Variants in RXYLT1 observed in about 807,000 individuals in gnomAD.
RXYLT1 encodes the protein ribitol-5-phosphate xylosyltransferase 1.
Under a neutral mutation model 43.5 loss-of-function variants are expected in RXYLT1, and 41 were observed. The observed-to-expected ratio is 0.94, with a 90% CI of 0.73 to 1.22. The LOEUF (loss-of-function observed/expected upper bound fraction) is 1.22. Among genes scored for constraint, RXYLT1 ranks in the 50% most tolerant of loss-of-function variants. The pLI, the probability that RXYLT1 is intolerant of heterozygous loss-of-function variation, is 0.00. For missense variants in RXYLT1, 514 were observed against 532.0 expected (o/e 0.97, Z 0.33); for synonymous variants, 166 against 194.4 (o/e 0.85, Z 1.21).
At chr12:63,806,154 A>G (rs1363826220) in intron 5 of RXYLT1, 1 of 152,216 alleles carries the variant, frequency 6.6e-6, no homozygotes, top group African/African-American at 2.4e-5. Context: ...TAATGTAACC[A>G]TATCATATTC....
At chr12:63,786,666 G>A (rs1254752166) in intron 3 of RXYLT1, among the ~76,000 whole-genome samples, 1 of 152,194 alleles carries the variant, frequency 6.6e-6, no homozygotes, top group Non-Finnish European at 1.5e-5. Context: ...TCAGGGTGGT[G>A]GTTGCTGAAG....
chr12:63,786,564 C>A (rs1379332538), intron 3 of RXYLT1, among the ~76,000 whole-genome samples: 1 of 151,422 alleles, frequency 6.6e-6, no homozygotes, highest in Non-Finnish European at 1.5e-5. Flanking sequence ...CTAAAAAATG[C>A]TAACAGTTAT....
intron 3 of RXYLT1, among the ~76,000 whole-genome samples, chr12:63,786,768 C>T (rs899450548): frequency 2.6e-5 from 4 of 152,174 alleles, no homozygotes; most frequent in Non-Finnish European, 5.9e-5. Flanking sequence ...TTCTCTGTAG[C>T]ACATGATGCT....
Position 63,799,915 on chromosome 12 carries a change from C to T in RXYLT1, c.429-2176C>T, listed in dbSNP as rs193172540. Among the ~76,000 whole-genome samples, 50 of 152,254 alleles carry T rather than the reference C, an allele frequency of 3.3e-4. 1 individual carries two copies. The East Asian group carries it at 7.7e-3, about 24-fold the overall frequency. On this transcript the variant is annotated intron_variant, in intron 3 of 5. Coordinates refer to ENST00000261234, the MANE Select transcript of RXYLT1 (RefSeq NM_014254.3). Reference sequence around the variant, plus strand: ...ATCATTGCTAGTTTTTCTAGCCCCTCAGATTCTGCATATTGTCTTAAATTA... The same window carrying T: ...ATCATTGCTAGTTTTTCTAGCCCCTTAGATTCTGCATATTGTCTTAAATTA...
chr12:63,783,607 G>A (rs1213947344), intron 2 of RXYLT1, among the ~76,000 whole-genome samples: 1 of 152,102 alleles, frequency 6.6e-6, no homozygotes, highest in Non-Finnish European at 1.5e-5. Context: ...TCTATCTGCA[G>A]GTTATTCAAG....
intron 3 of RXYLT1, among the ~76,000 whole-genome samples, chr12:63,796,395 T>C (rs77861469): frequency 0.013 from 1,941 of 152,346 alleles, 43 homozygotes; most frequent in African/African-American, 0.044. Context: ...TACTGTTTTT[T>C]TCCATTGTGA....
rs77133615 is a variant in RXYLT1 at position 63,809,194 on chromosome 12, C to A, written c.*102C>A. The A allele has an allele frequency of 5.0e-3, 4,324 of 858,268 alleles. 142 individuals carry two copies. The African/African-American group carries it at 0.066, about 13-fold the overall frequency. 53.2% of individuals were successfully genotyped at this position (858,268 alleles called of 1,614,324 possible). On this transcript the variant is annotated 3_prime_UTR_variant, in exon 6 of 6. Transcript: ENST00000261234. ...TATTTATAGATGTTCTTTAAGGTAC[C>A]CTTGAAAACTCTACATTATGTATGC...
chr12:63,799,999 T>C (rs1898123532), intron 3 of RXYLT1, among the ~76,000 whole-genome samples: 1 of 152,190 alleles, frequency 6.6e-6, no homozygotes, highest in Non-Finnish European at 1.5e-5. Context: ...AAGGCAAACA[T>C]AGTCCTCAAA....
At chr12:63,780,945 T>A (rs1395361851) in intron 1 of RXYLT1, 74 bp from the exon 2 acceptor site, 2 of 1,261,720 alleles carry the variant, frequency 1.6e-6, no homozygotes, top group Non-Finnish European at 2.1e-6. Flanking sequence ...AACTAACACT[T>A]AATTTAAATG....
chr12:63,804,360 T>A (rs1898235389), intron 4 of RXYLT1: 1 of 152,188 alleles, frequency 6.6e-6, no homozygotes, highest in South Asian at 2.1e-4. Context: ...CGTGTGAAAG[T>A]TACATTTCAG....
At chr12:63,786,900 G>C (rs558872836) in intron 3 of RXYLT1, among the ~76,000 whole-genome samples, 2 of 152,220 alleles carry the variant, frequency 1.3e-5, no homozygotes, top group African/African-American at 4.8e-5. Flanking sequence ...GATCACTTGA[G>C]GTCAGGAGTT....
chr12:63,795,259 C>T (rs539506171), intron 3 of RXYLT1, among the ~76,000 whole-genome samples: 1 of 150,624 alleles, frequency 6.6e-6, no homozygotes, highest in African/African-American at 2.4e-5. Context: ...CCTGCCTGGG[C>T]GACAGTGAGA....
chr12:63,780,414 G>T (rs1010780914), intron 1 of RXYLT1: 10 of 1,239,242 alleles, frequency 8.1e-6, no homozygotes, highest in Non-Finnish European at 1.0e-5. Flanking sequence ...CGTCTCAAAT[G>T]CCAGAGATTT....
At chr12:63,808,021 C>CT (rs1424076968) in intron 5 of RXYLT1, 1 of 152,870 alleles carries the variant, frequency 6.5e-6, no homozygotes, top group African/African-American at 2.4e-5. Flanking sequence ...ACCATTCAGA[C>CT]TTTATCTTCT....
At chr12:63,800,868 C>A (rs1259262897) in intron 3 of RXYLT1, among the ~76,000 whole-genome samples, 1 of 151,604 alleles carries the variant, frequency 6.6e-6, no homozygotes, top group Non-Finnish European at 1.5e-5. Context: ...CTGCTGTGAG[C>A]TGAGATCATG....
chr12:63,799,302 C>CTTTTTTT (rs11312130), intron 3 of RXYLT1, among the ~76,000 whole-genome samples: 2 of 71,622 alleles, frequency 2.8e-5, no homozygotes, highest in Non-Finnish European at 5.1e-5. Context: ...CTTTTCTTTT[C>CTTTTTTT]TTTTTTTTTT....
Position 63,805,369 on chromosome 12 carries a change from G to A in RXYLT1, c.879G>A (p.Gly293=). The A allele has an allele frequency of 6.2e-7, 1 of 1,609,044 alleles. No homozygotes were observed. Among genetic ancestry groups the A allele is most frequent in the Non-Finnish European group, 8.5e-7 (1 of 1,178,430 alleles). Residue 293 remains glycine (G), a synonymous_variant, in exon 5 of 6, where the codon GGG becomes GGA. Coordinates refer to ENST00000261234, the MANE Select transcript of RXYLT1 (RefSeq NM_014254.3). ...TAATGAACATTTTGAAAAAAGATGG[G>A]AACGATAAGCTTTGTTGGGTTTCAG... ...QALMNILKKD[G]NDKLCWVSAR... is the part of the protein sequence containing the mutation.
chr12:63,801,635 C>T (rs2336002), intron 3 of RXYLT1, among the ~76,000 whole-genome samples: 7,546 of 152,094 alleles, frequency 0.05, 475 homozygotes, highest in East Asian at 0.27. Flanking sequence ...GCATGGGCAA[C>T]ATGGTGAAAC....
At chr12:63,808,206 G>A (rs983020990) in intron 5 of RXYLT1, 1 of 161,658 alleles carries the variant, frequency 6.2e-6, no homozygotes, top group Non-Finnish European at 1.3e-5. Context: ...GCCGCAGTAA[G>A]ACAGTCCCTC....
Sources: allele counts gnomAD v4.1 joint callset (sites outside exome capture counted in the v4.1 genomes callset), GRCh38; gene constraint gnomAD v4.1.1; transcripts MANE v1.5; gene names NCBI Gene and HGNC (gene_info 2026-07-23, HGNC 2026-07-21).